TRRAP: variants seen among roughly 807,000 people sequenced by gnomAD.
The protein encoded by TRRAP is transformation/transcription domain associated protein, also known as transformation/transcription domain-associated protein.
A neutral mutation model predicts 438.8 loss-of-function variants in TRRAP; 41 were observed. That is an observed-to-expected ratio of 0.09 (90% CI 0.07 to 0.12). TRRAP has a LOEUF of 0.12. Ranked by LOEUF, TRRAP falls within the 10% of genes least tolerant of loss-of-function variation. TRRAP has a pLI of 1.00. For synonymous variants in TRRAP, 1,994 were observed against 1,962.9 expected, an observed-to-expected ratio of 1.02 and a Z score of -0.42; for missense variants, 3,122 against 5,055.1, an observed-to-expected ratio of 0.62 and a Z score of 11.60.
At chr7:98,960,463 ACT>A in intron 45 of TRRAP, among the ~76,000 whole-genome samples, 1 of 150,772 alleles carries the variant, frequency 6.6e-6, no homozygotes, top group South Asian at 2.1e-4. Context: ...TGAACCACGA[ACT>A]CTGTCTTCTA....
Position 98,976,050 on chromosome 7 carries a change from C to G in TRRAP, c.7840-99C>G. On this transcript the variant is annotated intron_variant, in intron 53 of 72. Transcript: ENST00000456197. The surrounding 1 kb of genome is among the most constrained non-coding windows in gnomAD (Gnocchi z 4.6). ...TGAAACTTTGAAAGTGGAGGAGCAT[C>G]GGTAATGTATGAGACAGATCATGGG... is the stretch of plus-strand genomic sequence containing the variant. 1 of 1,411,254 alleles carries G rather than the reference C, an allele frequency of 7.1e-7. No individual in the cohort carries two copies. Among genetic ancestry groups the G allele is most frequent in the Non-Finnish European group, 9.5e-7 (1 of 1,048,666 alleles). 87.4% of individuals were successfully genotyped at this position (1,411,254 alleles called of 1,614,324 possible).
intron 67 of TRRAP, among the ~76,000 whole-genome samples, chr7:99,002,526 G>A (rs1793976491): frequency 6.6e-6 from 1 of 152,210 alleles, no homozygotes; most frequent in Non-Finnish European, 1.5e-5. Context: ...TCTTGGTCCA[G>A]CGTGGAGAGG....
intron 1 of TRRAP, among the ~76,000 whole-genome samples, chr7:98,879,140 G>A (rs1391025021): frequency 1.3e-5 from 2 of 152,184 alleles, no homozygotes; most frequent in Non-Finnish European, 2.9e-5. Context: ...CGGGCTTGGC[G>A]GGGTCTGGGG....
chr7:98,930,301 A>T (rs1790265026), intron 24 of TRRAP, 95 bp downstream of exon 24: 1 of 1,435,970 alleles, frequency 7.0e-7, no homozygotes, highest in Non-Finnish European at 9.5e-7. Flanking sequence ...TTGCGGCCAG[A>T]CGCAGTGGCT....
intron 29 of TRRAP, 109 bp downstream of exon 29, chr7:98,937,386 A>G: frequency 1.4e-6 from 2 of 1,444,262 alleles, no homozygotes; most frequent in Non-Finnish European, 1.8e-6. Flanking sequence ...GTGTATGCCT[A>G]AAAGGCTTTA....
intron 12 of TRRAP, among the ~76,000 whole-genome samples, chr7:98,905,744 CAT>C (rs1228069600): frequency 2.6e-5 from 4 of 152,214 alleles, no homozygotes; most frequent in African/African-American, 9.6e-5. Flanking sequence ...TTGTAATTTA[CAT>C]AGAGAAACAT....
Position 98,992,116 on chromosome 7 carries a change from TA to T in TRRAP, c.9757-19del. The T allele has an allele frequency of 1.2e-6, 2 of 1,612,690 alleles. No homozygotes were observed. The highest frequency in any genetic ancestry group is 1.7e-6 in the Non-Finnish European group (2 of 1,178,634). On this transcript the variant is annotated intron_variant, in intron 64 of 72. Coordinates refer to ENST00000456197, the MANE Select transcript of TRRAP (RefSeq NM_001375524.1). ...GCTCAGCAGAGAGCAGCACTGTTTA[TA>T]ACATCTTGTCTCTGAGCAGGTTGGA...
chr7:98,944,077 T>G (rs1554416277), intron 31 of TRRAP, among the ~76,000 whole-genome samples: 1 of 152,160 alleles, frequency 6.6e-6, no homozygotes, highest in Non-Finnish European at 1.5e-5. Flanking sequence ...AGGTTTGCTG[T>G]TTATATATGT....
At chr7:98,950,851 T>G in intron 38 of TRRAP, 25 bp from the exon 39 acceptor site, 1 of 1,507,842 alleles carries the variant, frequency 6.6e-7, no homozygotes, top group East Asian at 2.4e-5. Flanking sequence ...GTTTTTCTCC[T>G]TCTTTATTTA....
At chr7:98,904,483 CA>C (rs59353514) in intron 12 of TRRAP, among the ~76,000 whole-genome samples, 2,344 of 45,532 alleles carry the variant, frequency 0.051, 13 homozygotes, top group African/African-American at 0.11. Context: ...GACTCTGTCT[CA>C]AAAAAAAAAA....
chr7:98,938,116 A>T (rs1211300419), intron 30 of TRRAP, among the ~76,000 whole-genome samples: 1 of 152,216 alleles, frequency 6.6e-6, no homozygotes, highest in Non-Finnish European at 1.5e-5. Flanking sequence ...CAGAGGTCGC[A>T]GTGAGCCAAG....
intron 47 of TRRAP, among the ~76,000 whole-genome samples, chr7:98,964,194 G>A (rs770344656): frequency 1.3e-5 from 2 of 152,034 alleles, no homozygotes; most frequent in Non-Finnish European, 2.9e-5. Flanking sequence ...TGGCTTTGCT[G>A]ATTTTTATTG....
intron 69 of TRRAP, among the ~76,000 whole-genome samples, chr7:99,006,040 C>T (rs1012292809): frequency 4.6e-5 from 7 of 152,294 alleles, no homozygotes; most frequent in Non-Finnish European, 8.8e-5. Context: ...ATGCAGGACT[C>T]GGGAAAGTCT....
intron 51 of TRRAP, among the ~76,000 whole-genome samples, chr7:98,969,120 C>G (rs1266326702): frequency 6.6e-6 from 1 of 152,248 alleles, no homozygotes; most frequent in African/African-American, 2.4e-5. Flanking sequence ...CCGTAGTGTT[C>G]AACCACCTCC....
chr7:98,947,234 C>G (rs782127045), intron 33 of TRRAP, among the ~76,000 whole-genome samples: 2 of 152,228 alleles, frequency 1.3e-5, no homozygotes. Context: ...CAGCCCACCC[C>G]TGAGCTGTGA....
chr7:98,978,346 C>A (rs778453516), intron 57 of TRRAP, 23 bp downstream of exon 57: 1 of 1,579,054 alleles, frequency 6.3e-7, no homozygotes, highest in South Asian at 1.1e-5. Context: ...CAGTGCTTGA[C>A]GTGTGCATGA....
intron 67 of TRRAP, chr7:98,999,404 A>T: frequency 8.3e-7 from 1 of 1,210,006 alleles, no homozygotes; most frequent in Non-Finnish European, 1.2e-6. Context: ...CTTGATCTAC[A>T]TGAGATCCAG....
chr7:98,913,949 A>C (rs1016188942), intron 18 of TRRAP, among the ~76,000 whole-genome samples: 7 of 152,224 alleles, frequency 4.6e-5, no homozygotes, highest in Admixed American at 4.6e-4. Flanking sequence ...TTCTTGGGAA[A>C]ATCTGAAGAT....
chr7:98,961,736 G>A (rs1419192048), intron 46 of TRRAP, among the ~76,000 whole-genome samples: 1 of 152,210 alleles, frequency 6.6e-6, no homozygotes, highest in African/African-American at 2.4e-5. Context: ...CCTGACCAAC[G>A]TGGAGAAACC....
Sources: gnomAD v4.1 joint callset for allele counts (sites outside exome capture counted in the v4.1 genomes callset) on GRCh38, gnomAD v4.1.1 for gene constraint, Gnocchi (gnomAD v3.1) non-coding constraint, MANE v1.5 for transcripts, NCBI Gene and HGNC (gene_info 2026-07-23, HGNC 2026-07-21) for gene names.